Variants in RYR3 observed in about 807,000 individuals in gnomAD.
The protein encoded by RYR3 is ryanodine receptor 3, also known as brain ryanodine receptor-calcium release channel.
Under a neutral mutation model 584.3 loss-of-function variants are expected in RYR3, and 207 were observed. The observed-to-expected ratio is 0.35, with a 90% CI of 0.32 to 0.40. RYR3 has a LOEUF of 0.40. Ranked by LOEUF, RYR3 falls within the 10% of genes least tolerant of loss-of-function variation. RYR3 has a pLI of 1.00. For synonymous variants in RYR3, 2,416 were observed against 2,248.5 expected (o/e 1.07, Z -2.11); for missense variants, 5,616 against 6,089.2 (o/e 0.92, Z 2.59).
chr15:33,477,743 C>T (rs1434360216), intron 2 of RYR3, among the ~76,000 whole-genome samples: 2 of 145,964 alleles, frequency 1.4e-5, no homozygotes, highest in East Asian at 1.9e-4. Flanking sequence ...GACGTGGTGG[C>T]GGGCGCCTGT....
chr15:33,842,175 G>A (rs1038697420), intron 91 of RYR3, 140 bp downstream of exon 91: 4 of 940,414 alleles, frequency 4.3e-6, no homozygotes, highest in South Asian at 1.8e-5. Context: ...TTCTTCCCAT[G>A]TGTCTACCTA....
chr15:33,865,198 G>T lies in RYR3; in HGVS notation c.14585G>T (p.Arg4862Leu). Reference protein sequence around the residue: ...WDFFPAGDCFRKQYEDQLG With the variant: ...WDFFPAGDCFLKQYEDQLG ...TTCTTCCCAGCCGGTGACTGCTTTC[G>T]TAAACAATATGAAGATCAGCTTGGA... The change falls in exon 104 of 104, where the codon CGT becomes CTT. Residue 4862 changes from arginine to leucine, a missense_variant. Physicochemically the swap from Arg to Leu is moderately radical, Grantham distance 102. Transcript: ENST00000634891. 1 of 1,613,534 alleles carries T rather than the reference G, an allele frequency of 6.2e-7. No homozygotes were observed. Among genetic ancestry groups the T allele is most frequent in the Admixed American group, 1.7e-5 (1 of 59,994 alleles).
At chr15:33,672,505 G>A (rs1179394934) in intron 38 of RYR3, among the ~76,000 whole-genome samples, 1 of 152,152 alleles carries the variant, frequency 6.6e-6, no homozygotes, top group African/African-American at 2.4e-5. Context: ...GAGGTGATCA[G>A]GCATGTTTGG....
intron 1 of RYR3, among the ~76,000 whole-genome samples, chr15:33,428,074 G>A (rs2141689873): frequency 6.6e-6 from 1 of 152,258 alleles, no homozygotes; most frequent in African/African-American, 2.4e-5. Flanking sequence ...TCTTTGTATT[G>A]TAAGCTCCTT....
intron 38 of RYR3, among the ~76,000 whole-genome samples, chr15:33,678,934 T>C (rs2064378358): frequency 6.6e-6 from 1 of 152,162 alleles, no homozygotes; most frequent in Admixed American, 6.5e-5. Flanking sequence ...GAGGCCAAAA[T>C]GGTACCTACT....
Position 33,390,754 on chromosome 15 carries a change from G to T in RYR3, c.51+79658G>T, listed in dbSNP as rs1435785717. On this transcript the variant is annotated intron_variant, in intron 1 of 103. Coordinates refer to ENST00000634891, the MANE Select transcript of RYR3 (RefSeq NM_001036.6). This position sits in a 1 kb window ranked among gnomAD's most constrained non-coding sequence, Gnocchi z 4.2. The stretch of plus-strand genomic sequence containing the variant: ...CCTGCTTAGTTCTGGGAATCTAGAA[G>T]AGCGGTACTTGCTAGTCAGAGGGTG... 6.6e-6 allele frequency among the ~76,000 whole-genome samples: 1 copy of T among 152,144 alleles called. No homozygotes were observed. Among genetic ancestry groups the T allele is most frequent in the East Asian group, 1.9e-4 (1 of 5,188 alleles).
At chr15:33,771,097 G>T (rs973180128) in intron 62 of RYR3, among the ~76,000 whole-genome samples, 2 of 151,662 alleles carry the variant, frequency 1.3e-5, no homozygotes, top group African/African-American at 4.9e-5. Flanking sequence ...ACGGCTAGTT[G>T]TCTCTTTTCT....
chr15:33,772,409 A>T (rs570223755), intron 63 of RYR3, among the ~76,000 whole-genome samples: 1 of 152,160 alleles, frequency 6.6e-6, no homozygotes. Context: ...AGAATTTCCC[A>T]TCTGCCTGTC....
intron 52 of RYR3, among the ~76,000 whole-genome samples, chr15:33,744,341 G>T (rs1463464289): frequency 6.6e-6 from 1 of 152,074 alleles, no homozygotes; most frequent in Non-Finnish European, 1.5e-5. Flanking sequence ...ACATTCACTT[G>T]TATGGTTATT....
At chr15:33,734,710 G>A (rs1422836227) in intron 48 of RYR3, among the ~76,000 whole-genome samples, 3 of 113,348 alleles carry the variant, frequency 2.6e-5, no homozygotes, top group Admixed American at 1.1e-4. Flanking sequence ...TTTTTTTTGA[G>A]ACAGAGTCTC....
At chr15:33,524,696 A>G (rs1417781790) in intron 3 of RYR3, among the ~76,000 whole-genome samples, 3 of 152,124 alleles carry the variant, frequency 2.0e-5, no homozygotes, top group Non-Finnish European at 4.4e-5. Context: ...ACTTTTGCAA[A>G]TTTTGCAGAT....
chr15:33,623,349 A>G (rs891169139), intron 19 of RYR3, among the ~76,000 whole-genome samples: 1 of 152,252 alleles, frequency 6.6e-6, no homozygotes, highest in Admixed American at 6.5e-5. Flanking sequence ...TAAGATTTTA[A>G]TACTTTCTCC....
chr15:33,358,262 A>C (rs1306530569), intron 1 of RYR3, among the ~76,000 whole-genome samples: 1 of 152,188 alleles, frequency 6.6e-6, no homozygotes, highest in East Asian at 1.9e-4. Flanking sequence ...GAAAGTGCTT[A>C]GTGGGGTGCA....
rs1040235776 is a variant in RYR3, at chr15:33,834,954, C to T, written c.11464-14C>T. ...TGATGTTTAAGTGACATAAGAATGTCCTCTTCTCTGCAGGGCCCTTGCATT... is the reference window on the plus strand; with the variant it reads ...TGATGTTTAAGTGACATAAGAATGTTCTCTTCTCTGCAGGGCCCTTGCATT... On this transcript the variant is annotated splice_polypyrimidine_tract_variant and intron_variant, in intron 86 of 103. Coordinates refer to ENST00000634891, the MANE Select transcript of RYR3 (RefSeq NM_001036.6). The T allele has an allele frequency of 1.2e-6, 2 of 1,609,770 alleles. No individual in the cohort carries two copies. The highest frequency in any genetic ancestry group is 2.7e-5 in the African/African-American group (2 of 74,848).
Position 33,689,363 on chromosome 15 carries a change from A to AT in RYR3, c.5861-6852dup, listed in dbSNP as rs1045937523. ...TATGCACATGTACCCTATAACTTAA[A>AT]TTTAAAAAAAAAATCCTACCAAAAT... On this transcript the variant is annotated intron_variant, in intron 38 of 103. Transcript: ENST00000634891. 2.8e-4 allele frequency among the ~76,000 whole-genome samples: 43 copies of AT among 151,752 alleles called. 1 individual carries two copies. The highest frequency in any genetic ancestry group is 3.4e-3 in the Middle Eastern group (1 of 294).
At chr15:33,668,278 C>T (rs1199161635) in intron 36 of RYR3, among the ~76,000 whole-genome samples, 3 of 151,552 alleles carry the variant, frequency 2.0e-5, no homozygotes, top group Non-Finnish European at 4.4e-5. Flanking sequence ...GATTGTGCCA[C>T]TGCACTCCAG....
In RYR3 at chr15:33,341,593, A is replaced by G. The variant is rs548591041; in HGVS notation, c.51+30497A>G. Among the ~76,000 whole-genome samples, 14 of 152,254 alleles carry G rather than the reference A, an allele frequency of 9.2e-5. No individual in the cohort carries two copies. In the South Asian group the frequency reaches 2.9e-3, roughly 32 times the overall value. ...GAATTCTTCCAAAAATGGAGTATAT[A>G]TTGTACCATCTACCATCTAGAAGCA... On this transcript the variant is annotated intron_variant, in intron 1 of 103. Transcript: ENST00000634891.
At chr15:33,529,002 C>T (rs764952577) in intron 3 of RYR3, among the ~76,000 whole-genome samples, 11 of 152,166 alleles carry the variant, frequency 7.2e-5, no homozygotes, top group Non-Finnish European at 1.2e-4. Context: ...CATCAGGAGC[C>T]ATCCATTAAC....
chr15:33,648,505 TG>T (rs759254225), intron 30 of RYR3, among the ~76,000 whole-genome samples: 1 of 152,240 alleles, frequency 6.6e-6, no homozygotes, highest in Admixed American at 6.5e-5. Context: ...TTCTCAATAC[TG>T]ACTGTAGTTG....
Sources: allele counts gnomAD v4.1 joint callset (sites outside exome capture counted in the v4.1 genomes callset), GRCh38; gene constraint gnomAD v4.1.1; non-coding constraint Gnocchi (gnomAD v3.1); transcripts MANE v1.5; gene names NCBI Gene and HGNC (gene_info 2026-07-23, HGNC 2026-07-21).